Variants in ENTREP2 observed in about 807,000 individuals in gnomAD.
ENTREP2 encodes protein ENTREP2.
the ENTREP2 span, among the ~76,000 whole-genome samples, chr15:29,554,863 G>C: frequency 6.6e-6 from 1 of 152,128 alleles, no homozygotes. Context: ...AAACCTCTTG[G>C]CTAGGAAATT....
At chr15:29,656,542 T>C in the ENTREP2 span, among the ~76,000 whole-genome samples, 1 of 152,188 alleles carries the variant, frequency 6.6e-6, no homozygotes, top group Non-Finnish European at 1.5e-5. Context: ...ATTTTTAAAG[T>C]AGAAGAATTC....
the ENTREP2 span, among the ~76,000 whole-genome samples, chr15:29,615,265 G>T: frequency 6.6e-6 from 1 of 151,130 alleles, no homozygotes; most frequent in Non-Finnish European, 1.5e-5. Flanking sequence ...AAGCGATTCT[G>T]CTGCCTCAGC....
the ENTREP2 span, among the ~76,000 whole-genome samples, chr15:29,514,245 C>T: frequency 6.6e-6 from 1 of 152,206 alleles, no homozygotes; most frequent in African/African-American, 2.4e-5. Context: ...CTCCCTCCAG[C>T]CCCCGGCAAC....
At chr15:29,194,997 C>T in the ENTREP2 span, 4 of 401,708 alleles carry the variant, frequency 1.0e-5, no homozygotes, top group East Asian at 4.8e-4. Flanking sequence ...CTGCCCGTGT[C>T]CCCTCCCAGG....
the ENTREP2 span, among the ~76,000 whole-genome samples, chr15:29,405,066 G>A: frequency 1.3e-5 from 2 of 152,258 alleles, no homozygotes; most frequent in Non-Finnish European, 2.9e-5. Context: ...CTTCTAACCT[G>A]TTTTCCACAC....
the ENTREP2 span, among the ~76,000 whole-genome samples, chr15:29,290,392 G>A: frequency 6.6e-6 from 1 of 152,170 alleles, no homozygotes; most frequent in African/African-American, 2.4e-5. Flanking sequence ...TGGGGACCAT[G>A]AGCCCTTTCC....
At chr15:29,517,894 A>C in the ENTREP2 span, among the ~76,000 whole-genome samples, 1 of 152,146 alleles carries the variant, frequency 6.6e-6, no homozygotes, top group African/African-American at 2.4e-5. Context: ...TAATCAAGCT[A>C]ATTAACATGT....
the ENTREP2 span, among the ~76,000 whole-genome samples, chr15:29,182,109 T>C: frequency 1.3e-5 from 2 of 151,802 alleles, no homozygotes; most frequent in Non-Finnish European, 2.9e-5. Flanking sequence ...GAATAAAAAA[T>C]TTAAAGTAAA....
the ENTREP2 span, among the ~76,000 whole-genome samples, chr15:29,333,421 AC>A: frequency 1.3e-5 from 2 of 151,646 alleles, no homozygotes; most frequent in Admixed American, 1.3e-4. Context: ...GACATCCAGC[AC>A]CCCCCGCCCC....
At chr15:29,396,719 T>G in the ENTREP2 span, among the ~76,000 whole-genome samples, 377 of 152,342 alleles carry the variant, frequency 2.5e-3, 2 homozygotes, top group African/African-American at 8.4e-3. Context: ...CTAAGCTTCC[T>G]TCTAAGAGTT....
At chr15:29,566,753 C>G in the ENTREP2 span, among the ~76,000 whole-genome samples, 3 of 151,886 alleles carry the variant, frequency 2.0e-5, no homozygotes. Flanking sequence ...CAACCATGCC[C>G]AGTCACTTTT....
the ENTREP2 span, among the ~76,000 whole-genome samples, chr15:29,483,847 A>T: frequency 6.6e-6 from 1 of 152,214 alleles, no homozygotes; most frequent in Non-Finnish European, 1.5e-5. Context: ...TACATTTTTT[A>T]AATAACTACA....
At chr15:29,432,125 G>C in the ENTREP2 span, among the ~76,000 whole-genome samples, 7 of 152,176 alleles carry the variant, frequency 4.6e-5, no homozygotes, top group Non-Finnish European at 8.8e-5. Context: ...TAAAATTAGT[G>C]ACATGTTCTC....
At chr15:29,195,960 T>C in the ENTREP2 span, among the ~76,000 whole-genome samples, 2 of 152,188 alleles carry the variant, frequency 1.3e-5, no homozygotes, top group African/African-American at 2.4e-5. Context: ...AAAAATAAAA[T>C]AATATAAACA....
the ENTREP2 span, among the ~76,000 whole-genome samples, chr15:29,653,690 T>C: frequency 1.3e-5 from 2 of 152,258 alleles, no homozygotes; most frequent in African/African-American, 4.8e-5. Context: ...CATGCTGAAC[T>C]GTGAGTCAAT....
chr15:29,327,997 C>T, the ENTREP2 span, among the ~76,000 whole-genome samples: 4 of 152,118 alleles, frequency 2.6e-5, no homozygotes, highest in Admixed American at 6.5e-5. Flanking sequence ...TTTATAGCAG[C>T]TTTATTTTTA....
the ENTREP2 span, among the ~76,000 whole-genome samples, chr15:29,259,378 C>A: frequency 6.6e-6 from 1 of 152,186 alleles, no homozygotes; most frequent in Non-Finnish European, 1.5e-5. Flanking sequence ...AACATAGATT[C>A]TAACAGCTCA....
chr15:29,385,725 C>T, the ENTREP2 span, among the ~76,000 whole-genome samples: 1 of 152,276 alleles, frequency 6.6e-6, no homozygotes, highest in East Asian at 1.9e-4. Flanking sequence ...GGTGGGGTGC[C>T]TGGCGAGGGC....
the ENTREP2 span, among the ~76,000 whole-genome samples, chr15:29,556,709 C>A: frequency 6.6e-6 from 1 of 152,058 alleles, no homozygotes; most frequent in Non-Finnish European, 1.5e-5. Context: ...TTCTTCCATG[C>A]AAGGCTCTGT....
Sources: allele counts gnomAD v4.1 joint callset (sites outside exome capture counted in the v4.1 genomes callset), GRCh38; gene constraint gnomAD v4.1.1; transcripts MANE v1.5; gene names NCBI Gene and HGNC (gene_info 2026-07-23, HGNC 2026-07-21).